PLA2R1: variants seen among roughly 807,000 people sequenced by gnomAD.
PLA2R1 encodes phospholipase A2 receptor 1, also known as secretory phospholipase A2 receptor.
Under a neutral mutation model 195.9 loss-of-function variants are expected in PLA2R1, and 158 were observed. That is an observed-to-expected ratio of 0.81 (90% confidence interval 0.71 to 0.92). PLA2R1 has a LOEUF of 0.92. Among genes scored for constraint, PLA2R1 ranks in the 40% least tolerant of loss-of-function variants. The pLI is 0.00. For synonymous variants in PLA2R1, 586 were observed against 598.2 expected (o/e 0.98, Z 0.30); for missense variants, 1,626 against 1,764.6 (o/e 0.92, Z 1.41).
chr2:160,059,449 C>G (rs1387137893), intron 1 of PLA2R1, among the ~76,000 whole-genome samples: 1 of 152,188 alleles, frequency 6.6e-6, no homozygotes, highest in Non-Finnish European at 1.5e-5. Flanking sequence ...AAAAGGACAA[C>G]ACTTAGATGT....
At chr2:159,970,989 A>G (rs1689127327) in intron 17 of PLA2R1, among the ~76,000 whole-genome samples, 1 of 152,028 alleles carries the variant, frequency 6.6e-6, no homozygotes, top group South Asian at 2.1e-4. Context: ...CATTAGGGGA[A>G]ATACCTAACG....
At chr2:159,927,591 C>A (rs1574617453), downstream of PLA2R1, among the ~76,000 whole-genome samples, 1 of 152,230 alleles carries the variant, frequency 6.6e-6, no homozygotes, top group African/African-American at 2.4e-5. Flanking sequence ...TCCCCACTTT[C>A]AGAACTCTCC....
At chr2:160,016,251 A>C (rs1198937403) in intron 9 of PLA2R1, among the ~76,000 whole-genome samples, 1 of 146,118 alleles carries the variant, frequency 6.8e-6, no homozygotes, top group Admixed American at 7.0e-5. Flanking sequence ...GTGACAAAGC[A>C]AGACTCTGTC....
Position 160,009,987 on chromosome 2 carries a change from G to A in PLA2R1, c.1664+3276C>T, listed in dbSNP as rs2105416727. Among the ~76,000 whole-genome samples the A allele has an allele frequency of 2.0e-5, 3 of 152,020 alleles. No homozygotes were observed. In the South Asian group the frequency reaches 6.2e-4, roughly 32 times the overall value. ...TAGCCAGGCATGGTGGTACATGCCT[G>A]TAGTCCCAACTACTTGGGGGGCTGA... On this transcript the variant is annotated intron_variant, in intron 10 of 29. Transcript: ENST00000283243.
intron 1 of PLA2R1, among the ~76,000 whole-genome samples, chr2:160,052,177 T>C (rs1048258729): frequency 6.6e-6 from 1 of 152,208 alleles, no homozygotes; most frequent in Admixed American, 6.5e-5. Flanking sequence ...TCTCCAAGTT[T>C]CATGAGGCAC....
intron 11 of PLA2R1, among the ~76,000 whole-genome samples, chr2:159,999,336 C>T (rs887350285): frequency 6.6e-6 from 1 of 150,438 alleles, no homozygotes; most frequent in Non-Finnish European, 1.5e-5. Flanking sequence ...TGAAGGCATG[C>T]ACATTACGTA....
chr2:159,995,514 C>T (rs138411965), intron 11 of PLA2R1, among the ~76,000 whole-genome samples: 5 of 151,896 alleles, frequency 3.3e-5, no homozygotes, highest in Non-Finnish European at 5.9e-5. Flanking sequence ...AGAAATGATA[C>T]CTAAACTTTT....
intron 11 of PLA2R1, among the ~76,000 whole-genome samples, chr2:159,993,391 T>C (rs951319251): frequency 3.3e-5 from 5 of 151,824 alleles, no homozygotes; most frequent in African/African-American, 1.2e-4. Context: ...TATAGGTTAA[T>C]TAACCTTGTA....
chr2:159,946,350 G>T (rs1232618909), intron 27 of PLA2R1: 2 of 984,474 alleles, frequency 2.0e-6, no homozygotes, highest in Admixed American at 6.1e-5. Context: ...ATAAAGAAAA[G>T]AATACCATGC....
intron 1 of PLA2R1, among the ~76,000 whole-genome samples, chr2:160,059,624 G>A (rs1695820108): frequency 6.6e-6 from 1 of 152,108 alleles, no homozygotes; most frequent in Admixed American, 6.5e-5. Flanking sequence ...TGTATCTACT[G>A]ACTTTTGAAT....
In PLA2R1 at chr2:160,022,700, G is replaced by T; in HGVS notation, c.1259C>A (p.Ala420Glu). The change falls in exon 7 of 30, where the codon GCA becomes GAA. Residue 420 changes from alanine to glutamate, a missense_variant. Coordinates refer to ENST00000283243, the MANE Select transcript of PLA2R1 (RefSeq NM_007366.5). Reference protein sequence around the residue: ...NSALIDITSLAEVEFLVTLLG... With the variant: ...NSALIDITSLEEVEFLVTLLG... ...GAGGGTTACAAGAAACTCCACCTCT[G>T]CTAATGAGGTTATGTCTATTAATGC... 10 of 1,608,822 alleles carry T rather than the reference G, an allele frequency of 6.2e-6. No individual in the cohort carries two copies. Among genetic ancestry groups the T allele is most frequent in the Non-Finnish European group, 8.5e-6 (10 of 1,177,060 alleles).
At chr2:159,929,563 T>C (rs1686543597), downstream of PLA2R1, among the ~76,000 whole-genome samples, 2 of 152,170 alleles carry the variant, frequency 1.3e-5, no homozygotes, top group South Asian at 4.1e-4. Flanking sequence ...GAATGTAAAC[T>C]AGTACAACCA....
At chr2:159,968,126 C>T (rs1057073113) in intron 19 of PLA2R1, among the ~76,000 whole-genome samples, 1 of 151,576 alleles carries the variant, frequency 6.6e-6, no homozygotes, top group Non-Finnish European at 1.5e-5. Context: ...CAAGAACTTC[C>T]AAGAAAACAG....
At chr2:160,005,931 A>C in intron 10 of PLA2R1, 110 bp from the exon 11 acceptor site, 1 of 729,822 alleles carries the variant, frequency 1.4e-6, no homozygotes, top group Non-Finnish European at 2.4e-6. Flanking sequence ...ATTTCTCATC[A>C]ATTCTTTAGA....
At chr2:159,925,561 CA>C in the PLA2R1 span, among the ~76,000 whole-genome samples, 4,193 of 136,028 alleles carry the variant, frequency 0.031, 174 homozygotes, top group African/African-American at 0.11. Flanking sequence ...GGAATCAAAG[CA>C]AAAAAAAAAA....
Position 159,959,737 on chromosome 2 carries a change from C to A in PLA2R1, c.2905-3110G>T, listed in dbSNP as rs1688314852. On this transcript the variant is annotated intron_variant, in intron 20 of 29. Coordinates refer to ENST00000283243, the MANE Select transcript of PLA2R1 (RefSeq NM_007366.5). Reference sequence around the variant, plus strand: ...CGGTCTGCATGCACTTATACACATACAATAAGCCTGAAACCTCAGAGGCAT... The same window carrying A: ...CGGTCTGCATGCACTTATACACATAAAATAAGCCTGAAACCTCAGAGGCAT... Among the ~76,000 whole-genome samples the A allele has an allele frequency of 4.6e-5, 7 of 152,122 alleles. No homozygotes were observed. In the South Asian group the frequency reaches 1.2e-3, roughly 27 times the overall value.
chr2:160,009,951 T>A (rs1385639269), intron 10 of PLA2R1, among the ~76,000 whole-genome samples: 1 of 151,356 alleles, frequency 6.6e-6, no homozygotes, highest in Non-Finnish European at 1.5e-5. Flanking sequence ...CTGTAAAAAA[T>A]TTTAAAAAAT....
rs1168586430 is a variant in PLA2R1, at chr2:160,020,270, G to C, written c.1295-7C>G. On this transcript the variant is annotated splice_polypyrimidine_tract_variant and splice_region_variant and intron_variant, in intron 7 of 29. Transcript: ENST00000283243. ...CATGTTTCTGATGCATTTTCTGTAA[G>C]AGATAAATGTAAATTACTTATGGGA... The C allele has an allele frequency of 6.2e-7, 1 of 1,601,224 alleles. No individual in the cohort carries two copies. Among genetic ancestry groups the C allele is most frequent in the South Asian group, 1.1e-5 (1 of 89,674 alleles).
chr2:159,949,671 C>G lies in PLA2R1; in HGVS notation c.3646G>C (p.Gly1216Arg). 1 of 1,613,976 alleles carries G rather than the reference C, an allele frequency of 6.2e-7. No individual in the cohort carries two copies. Among genetic ancestry groups the G allele is most frequent in the South Asian group, 1.1e-5 (1 of 91,074 alleles). ...LGDCVFADSN[G>R]RWHSTACESF... is the part of the protein sequence containing the mutation. ...TCGCAGGCTGTGCTATGCCAGCGTC[C>G]GTTGCTGTCGGCAAAAACGCAGTCA... The change falls in exon 25 of 30, where the codon GGA (glycine) becomes CGA (arginine). Residue 1216 changes from glycine (G) to arginine (R), a missense_variant. By Grantham distance (125) the Gly-to-Arg change is moderately radical. Coordinates refer to ENST00000283243, the MANE Select transcript of PLA2R1 (RefSeq NM_007366.5).
Sources: allele counts gnomAD v4.1 joint callset (sites outside exome capture counted in the v4.1 genomes callset), GRCh38; gene constraint gnomAD v4.1.1; transcripts MANE v1.5; gene names NCBI Gene and HGNC (gene_info 2026-07-23, HGNC 2026-07-21).